Variants in ASTN1 observed in about 807,000 individuals in gnomAD.
The protein encoded by ASTN1 is astrotactin 1.
In ASTN1, 41 loss-of-function variants were observed where a neutral mutation model predicts 140.7. The ratio of observed to expected loss-of-function variants is 0.29; its 90% CI spans 0.23 to 0.38. The LOEUF is 0.38. Ranked by LOEUF, ASTN1 falls within the 10% of genes least tolerant of loss-of-function variation. The probability of loss-of-function intolerance (pLI) is 1.00; values close to 1 mark genes in which losing one functional copy is unlikely to be tolerated. For synonymous variants in ASTN1, 640 were observed against 652.2 expected (o/e 0.98, Z 0.29); for missense variants, 1,479 against 1,678.8 (o/e 0.88, Z 2.08).
Position 176,990,524 on chromosome 1 carries a change from G to T in ASTN1, c.1523+24267C>A, listed in dbSNP as rs183183671. On this transcript the variant is annotated intron_variant, in intron 8 of 22. Coordinates refer to ENST00000361833, the MANE Select transcript of ASTN1 (RefSeq NM_004319.3). ...TCAAGAACGAGTGTGAGGCAGTGGG[G>T]GCAAAAGGAAGTAAGAGGGGGAAAA... Among the ~76,000 whole-genome samples, 9 of 151,882 alleles carry T rather than the reference G, an allele frequency of 5.9e-5. No individual in the cohort carries two copies. The East Asian group carries it at 1.7e-3, about 29-fold the overall frequency.
At chr1:176,969,362 C>CT (rs1673033676) in intron 8 of ASTN1, among the ~76,000 whole-genome samples, 1 of 152,130 alleles carries the variant, frequency 6.6e-6, no homozygotes, top group Non-Finnish European at 1.5e-5. Context: ...AGAGGAAACA[C>CT]TTTGTCTCCT....
Position 177,061,246 on chromosome 1 carries a change from C to T in ASTN1, c.303G>A (p.Glu101=), listed in dbSNP as rs774658547. The change falls in exon 2 of 23, where the codon GAG becomes GAA. Residue 101 remains glutamate (E), a synonymous_variant. Transcript: ENST00000361833. ...GCCTCCAGCGCACCAAAGGGATATC[C>T]TCTGTGTTCCCTGAGATCTCTAGAA... ...YFVLEISGNT[E]DIPLVRWRQQ... The T allele has an allele frequency of 7.7e-6, 12 of 1,567,652 alleles. No homozygotes were observed. Among genetic ancestry groups the T allele is most frequent in the Non-Finnish European group, 8.6e-6 (10 of 1,156,084 alleles).
At chr1:177,122,099 G>A (rs904682929) in intron 1 of ASTN1, among the ~76,000 whole-genome samples, 15 of 152,256 alleles carry the variant, frequency 9.9e-5, no homozygotes, top group African/African-American at 2.9e-4. Context: ...AGATCGATGG[G>A]GACCCTACTG....
intron 8 of ASTN1, among the ~76,000 whole-genome samples, chr1:177,007,387 G>A (rs567144296): frequency 9.3e-5 from 14 of 151,036 alleles, no homozygotes; most frequent in East Asian, 7.7e-4. Flanking sequence ...GTGAAATGCC[G>A]TCTCAAAAAA....
intron 8 of ASTN1, among the ~76,000 whole-genome samples, chr1:176,974,830 C>T (rs1210979177): frequency 1.3e-5 from 2 of 152,212 alleles, no homozygotes; most frequent in Non-Finnish European, 2.9e-5. Flanking sequence ...CATATACACA[C>T]ATGTAAACAT....
At chr1:177,002,135 T>A (rs1293833954) in intron 8 of ASTN1, among the ~76,000 whole-genome samples, 1 of 152,182 alleles carries the variant, frequency 6.6e-6, no homozygotes, top group African/African-American at 2.4e-5. Flanking sequence ...TTGGCAACTC[T>A]GGTGTTGCCT....
chr1:177,157,052 T>C (rs955162850), intron 1 of ASTN1, among the ~76,000 whole-genome samples: 14 of 152,202 alleles, frequency 9.2e-5, no homozygotes, highest in African/African-American at 3.1e-4. Flanking sequence ...ATGTGATGAC[T>C]AAGTGTACTG....
intron 1 of ASTN1, among the ~76,000 whole-genome samples, chr1:177,121,095 T>TATATATAC (rs1553258404): frequency 3.6e-4 from 55 of 152,086 alleles, no homozygotes; most frequent in African/African-American, 1.0e-3. Context: ...TATATATATA[T>TATATATAC]ATACATGCAC....
At chr1:177,123,540 A>G (rs1447842868) in intron 1 of ASTN1, among the ~76,000 whole-genome samples, 2 of 152,088 alleles carry the variant, frequency 1.3e-5, no homozygotes, top group East Asian at 1.9e-4. Flanking sequence ...AGTCTACCAA[A>G]TATATAATAA....
At chr1:177,136,680 A>G (rs1470411434) in intron 1 of ASTN1, among the ~76,000 whole-genome samples, 1 of 152,000 alleles carries the variant, frequency 6.6e-6, no homozygotes, top group Non-Finnish European at 1.5e-5. Flanking sequence ...CTTTCTATCC[A>G]TCTTCCTGGC....
intron 2 of ASTN1, among the ~76,000 whole-genome samples, chr1:177,056,589 A>C (rs1677819896): frequency 8.5e-6 from 1 of 117,048 alleles, no homozygotes; most frequent in South Asian, 2.8e-4. Context: ...ATATATATAC[A>C]CATATCTCCA....
chr1:176,965,291 C>T (rs996792392), intron 8 of ASTN1, 54 bp from the exon 9 acceptor site: 4 of 1,578,448 alleles, frequency 2.5e-6, no homozygotes, highest in Non-Finnish European at 1.7e-6. Context: ...ACTCACTGAA[C>T]ACCCACTTCG....
chr1:176,905,979 G>A (rs1267097645), intron 16 of ASTN1, among the ~76,000 whole-genome samples: 2 of 152,262 alleles, frequency 1.3e-5, no homozygotes, highest in Non-Finnish European at 2.9e-5. Flanking sequence ...GAAGAGACCA[G>A]TGATGTGAGG....
At chr1:177,122,589 C>T (rs1390783339) in intron 1 of ASTN1, among the ~76,000 whole-genome samples, 6 of 152,180 alleles carry the variant, frequency 3.9e-5, no homozygotes, top group East Asian at 3.9e-4. Flanking sequence ...AGCTCAGACT[C>T]CTGCTCACAA....
At chr1:176,979,811 T>C (rs1673528418) in intron 8 of ASTN1, among the ~76,000 whole-genome samples, 1 of 152,092 alleles carries the variant, frequency 6.6e-6, no homozygotes, top group South Asian at 2.1e-4. Flanking sequence ...GAGTGTGCTG[T>C]TTGTATGTGT....
In ASTN1 at chr1:176,868,836, T is replaced by C. The variant is rs200300512; in HGVS notation, c.3647+8A>G. ...TCTTTAAAAGGGTTGACTTAGTTTA[T>C]TGATTACCTGGGACCTAACTCATCC... is the stretch of plus-strand genomic sequence containing the variant. On this transcript the variant is annotated splice_region_variant and intron_variant, in intron 22 of 22. Transcript: ENST00000361833. 7.1e-5 allele frequency: 113 copies of C among 1,591,092 alleles called. No individual in the cohort carries two copies. Among genetic ancestry groups the C allele is most frequent in the Middle Eastern group, 3.4e-4 (2 of 5,916 alleles).
chr1:177,095,019 A>G (rs1475407555), intron 1 of ASTN1, among the ~76,000 whole-genome samples: 1 of 152,226 alleles, frequency 6.6e-6, no homozygotes, highest in Non-Finnish European at 1.5e-5. Flanking sequence ...AAAGCAACGA[A>G]GAACTTGGCT....
At chr1:177,005,419 A>C (rs1257246644) in intron 8 of ASTN1, among the ~76,000 whole-genome samples, 2 of 152,192 alleles carry the variant, frequency 1.3e-5, no homozygotes, top group Non-Finnish European at 2.9e-5. Context: ...CAGCATGGAA[A>C]TTTATCAAAG....
chr1:176,877,039 T>C (rs1668594216), intron 20 of ASTN1, among the ~76,000 whole-genome samples: 5 of 152,120 alleles, frequency 3.3e-5, no homozygotes, highest in South Asian at 2.1e-4. Flanking sequence ...GTGTTCCAGG[T>C]GACTCTGGTG....
Sources: gnomAD v4.1 joint callset for allele counts (sites outside exome capture counted in the v4.1 genomes callset) on GRCh38, gnomAD v4.1.1 for gene constraint, MANE v1.5 for transcripts, NCBI Gene and HGNC (gene_info 2026-07-23, HGNC 2026-07-21) for gene names.